The following TPGS2 variants were observed in gnomAD, a reference collection of about 807,000 sequenced individuals.
TPGS2 encodes tubulin polyglutamylase complex subunit 2.
TPGS2 carries 26 observed loss-of-function variants against 31.1 expected under a neutral mutation model. The observed-to-expected ratio is 0.84, with a 90% CI of 0.61 to 1.16. The LOEUF is 1.16. Among genes scored for constraint, TPGS2 ranks in the 50% most tolerant of loss-of-function variants. The pLI is 0.00. For synonymous variants in TPGS2, 130 were observed against 136.6 expected (o/e 0.95, Z 0.34); for missense variants, 351 against 363.8 (o/e 0.96, Z 0.29).
At chr18:36,781,528 T>A (rs1354053532), downstream of TPGS2, among the ~76,000 whole-genome samples, 1 of 152,130 alleles carries the variant, frequency 6.6e-6, no homozygotes, top group Non-Finnish European at 1.5e-5. Flanking sequence ...GGCACATCCC[T>A]GTAATCCCAG....
rs2045842207 is a variant in TPGS2 at position 36,820,354 on chromosome 18, T to C, written c.86-1381A>G. 3.3e-5 allele frequency among the ~76,000 whole-genome samples: 5 copies of C among 152,204 alleles called. No homozygotes were observed. The South Asian group carries it at 1.0e-3, about 32-fold the overall frequency. ...TACTGTGATGCTACTGCAGATGTGG[T>C]CATGTCATACTTAAGCTTGGAATAC... On this transcript the variant is annotated intron_variant, in intron 1 of 6. Transcript: ENST00000334295.
At chr18:36,807,042 G>GA (rs2045182929) in intron 3 of TPGS2, among the ~76,000 whole-genome samples, 2 of 151,884 alleles carry the variant, frequency 1.3e-5, no homozygotes, top group South Asian at 4.2e-4. Flanking sequence ...ACAGCAGTGG[G>GA]GAAATGTAGG....
At chr18:36,823,210 T>C (rs1285349558) in intron 1 of TPGS2, among the ~76,000 whole-genome samples, 1 of 152,210 alleles carries the variant, frequency 6.6e-6, no homozygotes, top group Non-Finnish European at 1.5e-5. Context: ...ATAGGTATTT[T>C]AGCTGTTCTA....
At chr18:36,780,388 A>G (rs770778992), downstream of TPGS2, among the ~76,000 whole-genome samples, 1 of 152,236 alleles carries the variant, frequency 6.6e-6, no homozygotes, top group Non-Finnish European at 1.5e-5. Context: ...GAACTATTCC[A>G]CAACTCACTC....
chr18:36,798,744 C>T, intron 5 of TPGS2, 135 bp from the exon 6 acceptor site: 1 of 1,366,546 alleles, frequency 7.3e-7, no homozygotes, highest in Non-Finnish European at 9.7e-7. Context: ...GTAAAAGTTC[C>T]CCTTCTGCCC....
chr18:36,792,994 G>GT (rs113922099), downstream of TPGS2, among the ~76,000 whole-genome samples: 5 of 152,286 alleles, frequency 3.3e-5, no homozygotes, highest in African/African-American at 1.2e-4. Context: ...TTTCCTGGGT[G>GT]TTTTTTCCCA....
intron 2 of TPGS2, among the ~76,000 whole-genome samples, chr18:36,811,715 G>T (rs2045437094): frequency 6.6e-6 from 1 of 151,948 alleles, no homozygotes; most frequent in African/African-American, 2.4e-5. Context: ...AGGCAACCTT[G>T]GGAAGGCTCG....
At chr18:36,780,497 C>T (rs1234821925), downstream of TPGS2, among the ~76,000 whole-genome samples, 2 of 152,182 alleles carry the variant, frequency 1.3e-5, no homozygotes, top group Admixed American at 1.3e-4. Context: ...GCCTCAGAAT[C>T]GCATGCTTAG....
downstream of TPGS2, among the ~76,000 whole-genome samples, chr18:36,790,565 G>A (rs1226692637): frequency 3.3e-5 from 5 of 152,358 alleles, no homozygotes; most frequent in East Asian, 9.6e-4. Flanking sequence ...GCCACAGCTA[G>A]TAAGTGGCAA....
downstream of TPGS2, chr18:36,782,946 A>G: frequency 2.5e-6 from 1 of 396,408 alleles, no homozygotes; most frequent in East Asian, 3.6e-5. Context: ...CTGCCAGCTC[A>G]GTGGCAGGAC....
chr18:36,815,751 CT>C (rs1442673834), intron 2 of TPGS2, among the ~76,000 whole-genome samples: 54 of 152,284 alleles, frequency 3.5e-4, no homozygotes, highest in African/African-American at 1.2e-3. Flanking sequence ...CATCCCAGGC[CT>C]TTACAAGCCC....
chr18:36,818,687 C>A (rs2045766794), intron 2 of TPGS2: 3 of 487,658 alleles, frequency 6.2e-6, no homozygotes, highest in Admixed American at 7.1e-5. Flanking sequence ...GAGAGTGGGG[C>A]TCAGGGGAAA....
Position 36,795,367 on chromosome 18 carries a change from T to A in TPGS2, c.*1438A>T. 1.0e-6 allele frequency: 1 copy of A among 985,526 alleles called. No individual in the cohort carries two copies. Among genetic ancestry groups the A allele is most frequent in the Non-Finnish European group, 1.2e-6 (1 of 830,010 alleles). The allele number at this position is 985,526 out of a possible 1,614,324, so 61.0% of individuals were successfully genotyped here. On this transcript the variant is annotated 3_prime_UTR_variant, in exon 7 of 7. Coordinates refer to ENST00000334295, the MANE Select transcript of TPGS2 (RefSeq NM_015476.4). Reference sequence around the variant, plus strand: ...AAGTCAGGAAAGAGAATGAGCCAGCTGGGACTGAAGTGTGCAGATGGTAGA... The same window carrying A: ...AAGTCAGGAAAGAGAATGAGCCAGCAGGGACTGAAGTGTGCAGATGGTAGA...
At chr18:36,784,419 A>T (rs1489454337) in intron 6 of TPGS2, among the ~76,000 whole-genome samples, 9 of 152,252 alleles carry the variant, frequency 5.9e-5, no homozygotes, top group Non-Finnish European at 1.3e-4. Context: ...CTAGATTTTT[A>T]AAATCAGAAA....
At chr18:36,827,817 C>T (rs1040161185) in intron 1 of TPGS2, among the ~76,000 whole-genome samples, 4 of 152,236 alleles carry the variant, frequency 2.6e-5, no homozygotes, top group Non-Finnish European at 5.9e-5. Context: ...GACCTCTTTT[C>T]ACACTCCTAG....
chr18:36,780,640 A>G (rs1486253530), downstream of TPGS2, among the ~76,000 whole-genome samples: 6 of 152,242 alleles, frequency 3.9e-5, no homozygotes, highest in African/African-American at 1.4e-4. Context: ...TACCTAGGCT[A>G]TATGATACAG....
Position 36,796,613 on chromosome 18 carries a change from G to A in TPGS2, c.*192C>T. 7.4e-7 allele frequency: 1 copy of A among 1,353,422 alleles called. No individual in the cohort carries two copies. Among genetic ancestry groups the A allele is most frequent in the Non-Finnish European group, 9.4e-7 (1 of 1,059,566 alleles). 83.8% of individuals were successfully genotyped at this position (1,353,422 alleles called of 1,614,324 possible). A position where few individuals can be genotyped will look rare whatever the true frequency, so the allele number is the denominator to read the frequency against. On this transcript the variant is annotated 3_prime_UTR_variant, in exon 7 of 7. Transcript: ENST00000334295. ...TTCCCCATTGCTTCCAGAGGCAGGG[G>A]ACAGCACAACCTGCTCTGGAGGCCT... is the stretch of plus-strand genomic sequence containing the variant.
At chr18:36,810,882 G>A (rs1317707401) in intron 2 of TPGS2, among the ~76,000 whole-genome samples, 1 of 152,122 alleles carries the variant, frequency 6.6e-6, no homozygotes, top group African/African-American at 2.4e-5. Flanking sequence ...CAAGGGAAGG[G>A]CTAGGGGCTG....
downstream of TPGS2, among the ~76,000 whole-genome samples, chr18:36,782,317 T>C (rs191135376): frequency 2.0e-5 from 3 of 152,338 alleles, no homozygotes; most frequent in African/African-American, 7.2e-5. Context: ...AAAAAGGGTC[T>C]CTTTTATTGG....
Sources: gnomAD v4.1 joint callset for allele counts (sites outside exome capture counted in the v4.1 genomes callset) on GRCh38, gnomAD v4.1.1 for gene constraint, MANE v1.5 for transcripts, NCBI Gene and HGNC (gene_info 2026-07-23, HGNC 2026-07-21) for gene names.